Variants in RIPOR1 observed in about 807,000 individuals in gnomAD.
RIPOR1 encodes the protein RHO family interacting cell polarization regulator 1.
In RIPOR1, 58 loss-of-function variants were observed where a neutral mutation model predicts 116.5. The ratio of observed to expected loss-of-function variants is 0.50; its 90% confidence interval spans 0.40 to 0.62. The LOEUF is 0.62. Among genes scored for constraint, RIPOR1 ranks in the 20% least tolerant of loss-of-function variants. RIPOR1 has a pLI of 0.00. For synonymous variants in RIPOR1, 605 were observed against 650.0 expected (o/e 0.93, Z 1.05); for missense variants, 1,372 against 1,586.2 (o/e 0.86, Z 2.29).
In RIPOR1 at chr16:67,541,660, G is replaced by A. The variant is rs756006481; in HGVS notation, c.958G>A (p.Asp320Asn). The A allele has an allele frequency of 5.6e-6, 9 of 1,613,902 alleles. No individual in the cohort carries two copies. In the South Asian group the frequency reaches 6.6e-5, roughly 12 times the overall value. The change falls in exon 12 of 22, where the codon GAC becomes AAC. Residue 320 changes from aspartate to asparagine, a missense_variant. By Grantham distance (23) the Asp-to-Asn change is conservative (BLOSUM62 1). This residue lies in a region of RIPOR1 where 202 missense variants were observed against 295.9 expected (regional missense o/e 0.68). Transcript: ENST00000042381. The surrounding 1 kb of genome is among the most constrained non-coding windows in gnomAD (Gnocchi z 4.6). Reference sequence around the variant, plus strand: ...AGCCTCTTCCCTTCCCAGCCCCTTCGACAAGGATGACCAGCCCTCAGCTGC... The same window carrying A: ...AGCCTCTTCCCTTCCCAGCCCCTTCAACAAGGATGACCAGCCCTCAGCTGC... The part of the protein sequence containing the change: ...LSLEVTWSPF[D>N]KDDQPSAASS...
exon 1 of RIPOR1, chr16:67,518,582 T>G (rs1483471285): frequency 6.6e-6 from 1 of 152,618 alleles, no homozygotes; most frequent in African/African-American, 2.4e-5. Flanking sequence ...CATGATGGCA[T>G]CTGGGGGAGC....
rs905004679 is a variant in RIPOR1 at position 67,531,984 on chromosome 16, C to T, written c.-24+3070C>T. Among the ~76,000 whole-genome samples, 16 of 152,068 alleles carry T rather than the reference C, an allele frequency of 1.1e-4. No homozygotes were observed. The highest frequency in any genetic ancestry group is 3.4e-4 in the African/African-American group (14 of 41,382). Reference sequence around the variant, plus strand: ...TTGGCTCACTGCAAGCTCCACCTCCCGGGCTCATGCCATTCTCCCACCTCA... The same window carrying T: ...TTGGCTCACTGCAAGCTCCACCTCCTGGGCTCATGCCATTCTCCCACCTCA... On this transcript the variant is annotated intron_variant, in intron 1 of 21. Coordinates refer to ENST00000042381, the MANE Select transcript of RIPOR1 (RefSeq NM_024519.4). This position sits in a 1 kb window ranked among gnomAD's most constrained non-coding sequence, Gnocchi z 4.2.
intron 4 of RIPOR1, chr16:67,539,383 T>G: frequency 1.9e-6 from 1 of 520,480 alleles, no homozygotes; most frequent in East Asian, 3.4e-5. Flanking sequence ...GGGAAGAGGT[T>G]AGGGCTTCCT....
At position 67,545,542 on chromosome 16, in the gene RIPOR1, G is replaced by A. The variant is rs369477321; in HGVS notation, c.3190+8G>A. The stretch of plus-strand genomic sequence containing the variant: ...CTGAGACCGCTGAGGAGGGTGAGGC[G>A]GTGGCCCTGATCACATAGTGGCCTC... On this transcript the variant is annotated splice_region_variant and intron_variant, in intron 18 of 21. Transcript: ENST00000042381. This position sits in a 1 kb window ranked among gnomAD's most constrained non-coding sequence, Gnocchi z 4.8. 1.1e-4 allele frequency: 178 copies of A among 1,613,688 alleles called. 1 individual carries two copies. The highest frequency in any genetic ancestry group is 8.2e-4 in the Middle Eastern group (5 of 6,084).
chr16:67,530,372 G>A lies in RIPOR1; in HGVS notation c.-24+1458G>A, dbSNP rs2050627609. The stretch of plus-strand genomic sequence containing the variant: ...GTTCCGGGGTGGGGGGTCCGGGGCT[G>A]TGCCGCTCCCCCTCCCTCCTATACG... On this transcript the variant is annotated intron_variant, in intron 1 of 21. Coordinates refer to ENST00000042381, the MANE Select transcript of RIPOR1 (RefSeq NM_024519.4). This position sits in a 1 kb window ranked among gnomAD's most constrained non-coding sequence, Gnocchi z 4.5. Among the ~76,000 whole-genome samples the A allele has an allele frequency of 6.6e-6, 1 of 152,208 alleles. No individual in the cohort carries two copies. Among genetic ancestry groups the A allele is most frequent in the African/African-American group, 2.4e-5 (1 of 41,448 alleles).
rs1490577688 is a variant in RIPOR1 at position 67,544,144 on chromosome 16, C to T, written c.2601-155C>T. Among the ~76,000 whole-genome samples, 1 of 152,196 alleles carries T rather than the reference C, an allele frequency of 6.6e-6. No homozygotes were observed. Among genetic ancestry groups the T allele is most frequent in the Non-Finnish European group, 1.5e-5 (1 of 68,042 alleles). ...ACCACCTGCTGGTCCCAGCCCCTTC[C>T]TCCTTCTGGAAATCCTCCATGAACT... On this transcript the variant is annotated intron_variant, in intron 14 of 21. Transcript: ENST00000042381. This position sits in a 1 kb window ranked among gnomAD's most constrained non-coding sequence, Gnocchi z 5.1.
Position 67,542,329 on chromosome 16 carries a change from G to A in RIPOR1, c.1543G>A (p.Val515Ile). 1 of 1,613,822 alleles carries A rather than the reference G, an allele frequency of 6.2e-7. No homozygotes were observed. The highest frequency in any genetic ancestry group is 8.5e-7 in the Non-Finnish European group (1 of 1,179,946). The change falls in exon 13 of 22, where the codon GTC (valine) becomes ATC (isoleucine). Residue 515 changes from valine (V) to isoleucine (I), a missense_variant. Transcript: ENST00000042381. This position sits in a 1 kb window ranked among gnomAD's most constrained non-coding sequence, Gnocchi z 4.6. ...TSSTLGTTGS[V>I]PTSTDPAPSA... Reference sequence around the variant, plus strand: ...CTCTACCCTCGGTACAACAGGCTCTGTCCCCACATCTACAGACCCTGCCCC... The same window carrying A: ...CTCTACCCTCGGTACAACAGGCTCTATCCCCACATCTACAGACCCTGCCCC...
At chr16:67,526,620 ACCT>A (rs2050542012), upstream of RIPOR1, among the ~76,000 whole-genome samples, 1 of 152,228 alleles carries the variant, frequency 6.6e-6, no homozygotes. Context: ...TGAGCCAGGC[ACCT>A]TGATGATAAG....
rs767746163 is a variant in RIPOR1 at position 67,542,597 on chromosome 16, C to T, written c.1811C>T (p.Thr604Ile). 6 of 1,613,650 alleles carry T rather than the reference C, an allele frequency of 3.7e-6. No individual in the cohort carries two copies. In the African/African-American group the frequency reaches 8.0e-5, roughly 22 times the overall value. The change falls in exon 13 of 22, where the codon ACT becomes ATT. Residue 604 changes from threonine (T) to isoleucine (I), a missense_variant. Around this residue, in one of 3 missense-constraint regions of RIPOR1, gnomAD observed 1,005 missense variants for 1,144.7 expected, o/e 0.88. Coordinates refer to ENST00000042381, the MANE Select transcript of RIPOR1 (RefSeq NM_024519.4). The surrounding 1 kb of genome is among the most constrained non-coding windows in gnomAD (Gnocchi z 4.6). Reference sequence around the variant, plus strand: ...CAGACTACCACAAGCCCCACCCACACTATGCCAAGCCCTACCCATACCACA... The same window carrying T: ...CAGACTACCACAAGCCCCACCCACATTATGCCAAGCCCTACCCATACCACA... ...PVQTTTSPTH[T>I]MPSPTHTTAS...
chr16:67,520,057 C>T lies in RIPOR1; in HGVS notation c.-24+1444C>T, dbSNP rs1302423036. On this transcript the variant is annotated intron_variant, in intron 1 of 1. Transcript: ENST00000562116. ...AGCCTGGGTCACAAGAGCAAAACTC[C>T]GTCTCAAAAAAAAAAAAAAAAAAAA... Among the ~76,000 whole-genome samples the T allele has an allele frequency of 9.8e-5, 11 of 112,326 alleles. No individual in the cohort carries two copies. In the East Asian group the frequency reaches 2.1e-3, roughly 21 times the overall value. 73.7% of individuals were successfully genotyped at this position (112,326 alleles called of 152,430 possible).
At chr16:67,519,700 T>G (rs1339981863) in intron 1 of RIPOR1, among the ~76,000 whole-genome samples, 1 of 151,964 alleles carries the variant, frequency 6.6e-6, no homozygotes, top group Non-Finnish European at 1.5e-5. Flanking sequence ...TGTCCGAAGG[T>G]CATCCTAAGT....
chr16:67,536,896 G>A (rs1350553269), intron 1 of RIPOR1, among the ~76,000 whole-genome samples: 1 of 152,032 alleles, frequency 6.6e-6, no homozygotes, highest in African/African-American at 2.4e-5. Context: ...TAGAACCCCA[G>A]CTCTCAGCCC....
upstream of RIPOR1, among the ~76,000 whole-genome samples, chr16:67,525,207 A>G (rs558557795): frequency 6.6e-6 from 1 of 152,132 alleles, no homozygotes; most frequent in African/African-American, 2.4e-5. Flanking sequence ...GCACACAGAC[A>G]CAGTCCCACA....
Position 67,542,043 on chromosome 16 carries a change from T to C in RIPOR1, c.1257T>C (p.Pro419=), listed in dbSNP as rs756909139. Residue 419 remains proline (P), a synonymous_variant, in exon 13 of 22, where the codon CCT becomes CCC. Coordinates refer to ENST00000042381, the MANE Select transcript of RIPOR1 (RefSeq NM_024519.4). This position sits in a 1 kb window ranked among gnomAD's most constrained non-coding sequence, Gnocchi z 4.6. ...PLPIQVAFRR[P]ETPSSGPLDE... is the part of the protein sequence containing the mutation. The stretch of plus-strand genomic sequence containing the variant: ...CCATCCAAGTTGCCTTCCGCAGGCC[T>C]GAGACCCCCAGCTCTGGGCCCTTGG... The C allele has an allele frequency of 1.2e-6, 2 of 1,607,032 alleles. No homozygotes were observed. Among genetic ancestry groups the C allele is most frequent in the South Asian group, 2.2e-5 (2 of 90,800 alleles).
rs1007176563 is a variant in RIPOR1 at position 67,537,451 on chromosome 16, C to T, written c.-23-973C>T. ...GCAGGAACTGGGCGGGGGGCGGCGC[C>T]GGGAGGAGCCGAAGCCGAGCCAGAG... On this transcript the variant is annotated intron_variant, in intron 1 of 21. Coordinates refer to ENST00000042381, the MANE Select transcript of RIPOR1 (RefSeq NM_024519.4). The surrounding 1 kb of genome is among the most constrained non-coding windows in gnomAD (Gnocchi z 4.6). 21 of 1,240,310 alleles carry T rather than the reference C, an allele frequency of 1.7e-5. No individual in the cohort carries two copies. Among genetic ancestry groups the T allele is most frequent in the Non-Finnish European group, 2.1e-5 (21 of 991,192 alleles). 76.8% of individuals were successfully genotyped at this position (1,240,310 alleles called of 1,614,324 possible).
chr16:67,536,950 T>G (rs951396249), intron 1 of RIPOR1, among the ~76,000 whole-genome samples: 1 of 152,288 alleles, frequency 6.6e-6, no homozygotes, highest in African/African-American at 2.4e-5. Flanking sequence ...CACTCTTTTT[T>G]GGGGGAGACG....
chr16:67,544,697 A>G lies in RIPOR1; in HGVS notation c.2736A>G (p.Lys912=). The G allele has an allele frequency of 6.2e-7, 1 of 1,613,054 alleles. No homozygotes were observed. The highest frequency in any genetic ancestry group is 8.5e-7 in the Non-Finnish European group (1 of 1,179,998). Residue 912 remains lysine (K), a splice_region_variant and synonymous_variant, in exon 16 of 22, where the codon AAA becomes AAG. Coordinates refer to ENST00000042381, the MANE Select transcript of RIPOR1 (RefSeq NM_024519.4). The surrounding 1 kb of genome is among the most constrained non-coding windows in gnomAD (Gnocchi z 5.1). ...HLYHCSRLLL[K]LGTFGPLRCQ... ...ACTTGGCCACCCATGTTCTCCAGAA[A>G]CTGGGCACATTTGGGCCCCTGCGCT...
chr16:67,544,332 C>T lies in RIPOR1; in HGVS notation c.2634C>T (p.Asp878=). 1 of 1,612,702 alleles carries T rather than the reference C, an allele frequency of 6.2e-7. No homozygotes were observed. The highest frequency in any genetic ancestry group is 8.5e-7 in the Non-Finnish European group (1 of 1,179,254). The change falls in exon 15 of 22, where the codon GAC becomes GAT. Residue 878 remains aspartate (D), a synonymous_variant. Transcript: ENST00000042381. The surrounding 1 kb of genome is among the most constrained non-coding windows in gnomAD (Gnocchi z 5.1). ...GCAGCCCGGAGGCTGGGGCTGAGGA[C>T]AGCATAGACTCACCCAGTGCCCGCC... The part of the protein sequence containing the change: ...PPSSPEAGAE[D]SIDSPSARPL...
chr16:67,520,598 T>C (rs2050487540), intron 1 of RIPOR1, among the ~76,000 whole-genome samples: 1 of 151,644 alleles, frequency 6.6e-6, no homozygotes, highest in Non-Finnish European at 1.5e-5. Context: ...GTCAAGAGTT[T>C]GAGAGCAGAC....
Sources: allele counts gnomAD v4.1 joint callset (sites outside exome capture counted in the v4.1 genomes callset), GRCh38; gene constraint gnomAD v4.1.1; regional missense constraint gnomAD v4.1.1; non-coding constraint Gnocchi (gnomAD v3.1); transcripts MANE v1.5; gene names NCBI Gene and HGNC (gene_info 2026-07-23, HGNC 2026-07-21).